The following ADGRL1 variants were observed in gnomAD, a reference collection of about 807,000 sequenced individuals.
The protein encoded by ADGRL1 is adhesion G protein-coupled receptor L1, also known as CIRL-1.
ADGRL1 carries 31 observed loss-of-function variants against 148.9 expected under a neutral mutation model. That is an observed-to-expected ratio of 0.21 (90% CI 0.16 to 0.28). The LOEUF is 0.28. Ranked by LOEUF, ADGRL1 falls within the 10% of genes least tolerant of loss-of-function variation. The probability of loss-of-function intolerance (pLI) is 1.00; values close to 1 mark genes in which losing one functional copy is unlikely to be tolerated. For missense variants in ADGRL1, 1,521 were observed against 2,058.8 expected, an observed-to-expected ratio of 0.74 and a Z score of 5.05; for synonymous variants, 937 against 900.3, an observed-to-expected ratio of 1.04 and a Z score of -0.73.
chr19:14,157,540 G>T lies in ADGRL1; in HGVS notation c.2536-80C>A. 6.9e-7 allele frequency: 1 copy of T among 1,447,720 alleles called. No individual in the cohort carries two copies. The highest frequency in any genetic ancestry group is 9.6e-7 in the Non-Finnish European group (1 of 1,039,430). The allele number at this position is 1,447,720 out of a possible 1,614,324, so 89.7% of individuals were successfully genotyped here. A position where few individuals can be genotyped will look rare whatever the true frequency, so the allele number is the denominator to read the frequency against. The stretch of plus-strand genomic sequence containing the variant: ...CAGCCAGGTGCCAGCCACAGACAGG[G>T]CCCTGGGCAAGGCCATGGGCCGTGA... On this transcript the variant is annotated intron_variant, in intron 13 of 22. Transcript: ENST00000361434. The surrounding 1 kb of genome is among the most constrained non-coding windows in gnomAD (Gnocchi z 7.5).
At chr19:14,184,423 T>C (rs895314835) in intron 1 of ADGRL1, among the ~76,000 whole-genome samples, 2 of 151,290 alleles carry the variant, frequency 1.3e-5, no homozygotes, top group African/African-American at 4.8e-5. Flanking sequence ...AGTTTTTTTT[T>C]TCATTATTAT....
At chr19:14,164,248 A>G (rs1434276138) in intron 4 of ADGRL1, among the ~76,000 whole-genome samples, 2 of 151,784 alleles carry the variant, frequency 1.3e-5, no homozygotes, top group African/African-American at 4.8e-5. Flanking sequence ...GGTCTGGCTC[A>G]GCAGCAGACA....
At chr19:14,205,040 T>C (rs1488117938) in intron 1 of ADGRL1, among the ~76,000 whole-genome samples, 4 of 151,820 alleles carry the variant, frequency 2.6e-5, no homozygotes, top group Non-Finnish European at 4.4e-5. Context: ...ACTGGAAGTG[T>C]AGAGACAGGG....
chr19:14,155,300 GGGTACCCA>G lies in ADGRL1; in HGVS notation c.3294+51_3294+58del. The stretch of plus-strand genomic sequence containing the variant: ...CCCTCCACCCTCGCCGCCTTCTCCT[GGGTACCCA>G]GGAAACGTCTCCAAGGGAGGCTGTG... On this transcript the variant is annotated intron_variant, in intron 18 of 22. Coordinates refer to ENST00000361434, the MANE Select transcript of ADGRL1 (RefSeq NM_014921.5). The surrounding 1 kb of genome is among the most constrained non-coding windows in gnomAD (Gnocchi z 5.0). The G allele has an allele frequency of 3.1e-6, 5 of 1,589,330 alleles. No homozygotes were observed. The highest frequency in any genetic ancestry group is 4.3e-6 in the Non-Finnish European group (5 of 1,164,388).
At chr19:14,191,815 C>T (rs1255746026) in intron 1 of ADGRL1, among the ~76,000 whole-genome samples, 1 of 152,016 alleles carries the variant, frequency 6.6e-6, no homozygotes, top group Non-Finnish European at 1.5e-5. Flanking sequence ...CCCGCCTCAG[C>T]CTCCTGAGTA....
intron 3 of ADGRL1, chr19:14,171,184 GC>G: frequency 5.1e-6 from 1 of 196,396 alleles, no homozygotes; most frequent in African/African-American, 2.4e-5. Flanking sequence ...GTTTCCTGAG[GC>G]CTCCCCAGAA....
chr19:14,186,031 C>A (rs1971551755), intron 1 of ADGRL1, among the ~76,000 whole-genome samples: 1 of 152,162 alleles, frequency 6.6e-6, no homozygotes, highest in South Asian at 2.1e-4. Context: ...AACTGTTTTG[C>A]TCATGGTGGC....
chr19:14,148,106 G>A lies in ADGRL1; in HGVS notation c.*2767C>T, dbSNP rs896149106. On this transcript the variant is annotated 3_prime_UTR_variant, in exon 23 of 23. Coordinates refer to ENST00000361434, the MANE Select transcript of ADGRL1 (RefSeq NM_014921.5). ...ATTAACAAGATTTAGGAGCAAACGA[G>A]TTCAGGAGCCTAAGGAAGGGAGTAG... The A allele has an allele frequency of 6.5e-6, 1 of 152,752 alleles. No homozygotes were observed. Among genetic ancestry groups the A allele is most frequent in the Non-Finnish European group, 1.5e-5 (1 of 68,120 alleles). 9.5% of individuals were successfully genotyped at this position (152,752 alleles called of 1,614,324 possible).
chr19:14,183,792 T>G (rs1599487595), intron 1 of ADGRL1, 95 bp from the exon 2 acceptor site: 2 of 578,090 alleles, frequency 3.5e-6, no homozygotes, highest in Admixed American at 6.4e-5. Context: ...GAGGCTGAGG[T>G]CCAGCACGTC....
intron 1 of ADGRL1, among the ~76,000 whole-genome samples, chr19:14,185,290 C>T (rs1027890501): frequency 5.3e-5 from 8 of 151,948 alleles, no homozygotes; most frequent in Admixed American, 3.9e-4. Flanking sequence ...CACACATTCT[C>T]TCTCTCTCTT....
Position 14,163,153 on chromosome 19 carries a change from A to G in ADGRL1, c.648T>C (p.Gly216=). The G allele has an allele frequency of 1.2e-6, 2 of 1,613,790 alleles. No homozygotes were observed. The highest frequency in any genetic ancestry group is 1.7e-6 in the Non-Finnish European group (2 of 1,179,982). ...VDGTGFVVYD[G]AVFYNKERTR... ...TGCGCTCCTTGTTGTAGAAGACGGC[A>G]CCATCGTAGACCACAAAGCCTGTGC... is the stretch of plus-strand genomic sequence containing the variant. Residue 216 remains glycine, a synonymous_variant, in exon 5 of 23, where the codon GGT becomes GGC. Coordinates refer to ENST00000361434, the MANE Select transcript of ADGRL1 (RefSeq NM_014921.5).
At chr19:14,179,672 C>G (rs112427538) in intron 2 of ADGRL1, among the ~76,000 whole-genome samples, 1 of 151,650 alleles carries the variant, frequency 6.6e-6, no homozygotes, top group South Asian at 2.1e-4. Context: ...TTTGGGAGGT[C>G]GAGGTGGGCG....
At chr19:14,190,497 C>T (rs995770311) in intron 1 of ADGRL1, among the ~76,000 whole-genome samples, 1 of 151,942 alleles carries the variant, frequency 6.6e-6, no homozygotes, top group East Asian at 2.0e-4. Context: ...GCACTCCTGG[C>T]GTCAAGCGAT....
Position 14,148,007 on chromosome 19 carries a change from G to C in ADGRL1, c.*2866C>G, listed in dbSNP as rs1335026293. On this transcript the variant is annotated 3_prime_UTR_variant, in exon 23 of 23. Coordinates refer to ENST00000361434, the MANE Select transcript of ADGRL1 (RefSeq NM_014921.5). ...ACATAGAGACAGCCAGAAAGACATG[G>C]GGAAAGAGTGTTGGAGACAGAGAAA... The C allele has an allele frequency of 2.0e-5, 3 of 152,616 alleles. No individual in the cohort carries two copies. Among genetic ancestry groups the C allele is most frequent in the Non-Finnish European group, 4.4e-5 (3 of 68,068 alleles). 9.5% of individuals were successfully genotyped at this position (152,616 alleles called of 1,614,324 possible).
rs1351166885 is a variant in ADGRL1 at position 14,159,881 on chromosome 19, A to T, written c.1801-108T>A. The T allele has an allele frequency of 8.9e-7, 1 of 1,118,916 alleles. No individual in the cohort carries two copies. Among genetic ancestry groups the T allele is most frequent in the East Asian group, 2.4e-5 (1 of 42,354 alleles). 69.3% of individuals were successfully genotyped at this position (1,118,916 alleles called of 1,614,324 possible). On this transcript the variant is annotated intron_variant, in intron 8 of 22. Coordinates refer to ENST00000361434, the MANE Select transcript of ADGRL1 (RefSeq NM_014921.5). The surrounding 1 kb of genome is among the most constrained non-coding windows in gnomAD (Gnocchi z 6.0). ...TCTCGTCTGCGGTTACCACTGACCCAGGGCTGGGCTATCAGCAAGACATTC... is the reference window on the plus strand; with the variant it reads ...TCTCGTCTGCGGTTACCACTGACCCTGGGCTGGGCTATCAGCAAGACATTC...
intron 3 of ADGRL1, among the ~76,000 whole-genome samples, chr19:14,171,514 T>C (rs1295561808): frequency 6.6e-6 from 1 of 152,314 alleles, no homozygotes; most frequent in Non-Finnish European, 1.5e-5. Flanking sequence ...ATCCTTGGCA[T>C]TTTTCTTTAA....
intron 3 of ADGRL1, among the ~76,000 whole-genome samples, chr19:14,175,705 C>T (rs1691081009): frequency 6.6e-6 from 1 of 151,996 alleles, no homozygotes; most frequent in Non-Finnish European, 1.5e-5. Context: ...CACTTAGTCA[C>T]AATCACACAC....
At chr19:14,184,914 C>T (rs1465206741) in intron 1 of ADGRL1, among the ~76,000 whole-genome samples, 1 of 152,174 alleles carries the variant, frequency 6.6e-6, no homozygotes, top group Non-Finnish European at 1.5e-5. Context: ...GCTGGGATTA[C>T]AGGCGTGAGC....
chr19:14,184,807 T>G lies in ADGRL1; in HGVS notation c.-95-1110A>C, dbSNP rs1971483441. 2.0e-5 allele frequency among the ~76,000 whole-genome samples: 3 copies of G among 151,624 alleles called. 1 individual carries two copies. The South Asian group carries it at 6.2e-4, about 32-fold the overall frequency. On this transcript the variant is annotated intron_variant, in intron 1 of 22. Coordinates refer to ENST00000361434, the MANE Select transcript of ADGRL1 (RefSeq NM_014921.5). Reference sequence around the variant, plus strand: ...GGCACCCACCAACACGCCCGGCTAATTTTTTGTATTTTTAGTCGAGATGGG... The same window carrying G: ...GGCACCCACCAACACGCCCGGCTAAGTTTTTGTATTTTTAGTCGAGATGGG...
Sources: allele counts gnomAD v4.1 joint callset (sites outside exome capture counted in the v4.1 genomes callset), GRCh38; gene constraint gnomAD v4.1.1; non-coding constraint Gnocchi (gnomAD v3.1); transcripts MANE v1.5; gene names NCBI Gene and HGNC (gene_info 2026-07-23, HGNC 2026-07-21).